The following TIMP1 variants were observed in gnomAD, a reference collection of about 807,000 sequenced individuals.
TIMP1 encodes the protein metalloproteinase inhibitor 1.
A neutral mutation model predicts 13.7 loss-of-function variants in TIMP1; 5 were observed. The ratio of observed to expected loss-of-function variants is 0.36; its 90% CI spans 0.19 to 0.76. The LOEUF is 0.76. TIMP1 is among the 30% of genes least tolerant of loss of function. TIMP1 has a pLI of 0.51. For synonymous variants in TIMP1, 63 were observed against 67.1 expected, an observed-to-expected ratio of 0.94 and a Z score of 0.30; for missense variants, 131 against 168.4, an observed-to-expected ratio of 0.78 and a Z score of 1.23.
intron 3 of TIMP1, 82 bp downstream of exon 3, chrX:47,585,097 G>A: frequency 2.6e-6 from 3 of 1,165,832 alleles, no homozygotes; most frequent in Non-Finnish European, 3.5e-6. Context: ...CCACTGGTTG[G>A]TGCGAGAAAG....
At chrX:47,585,407 G>A in intron 4 of TIMP1, 76 bp downstream of exon 4, 1 of 1,198,914 alleles carries the variant, frequency 8.3e-7, no homozygotes. Flanking sequence ...GAGGGGGCGA[G>A]GCTCTGATGG....
At chrX:47,585,946 C>T (rs955028863) in intron 5 of TIMP1, 3 of 1,088,271 alleles carry the variant, frequency 2.8e-6, no homozygotes, top group East Asian at 4.0e-5. Context: ...TCCCACTCCC[C>T]GTTCCTGAGC....
rs2057821090 is a variant in TIMP1, at chrX:47,585,589, G to A, written c.375G>A (p.Val125=). The change falls in exon 5 of 6, where the codon GTG becomes GTA. Residue 125 remains valine (V), a synonymous_variant. Transcript: ENST00000218388. ...GLLHITTCSF[V]APWNSLSLAQ... The stretch of plus-strand genomic sequence containing the variant: ...TGCACATCACTACCTGCAGTTTTGT[G>A]GCTCCCTGGAACAGCCTGAGCTTAG... 1 of 1,198,906 alleles carries A rather than the reference G, an allele frequency of 8.3e-7. No homozygotes were observed. The highest frequency in any genetic ancestry group is 1.1e-6 in the Non-Finnish European group (1 of 888,646).
chrX:47,586,431 G>T, intron 5 of TIMP1, 90 bp from the exon 6 acceptor site: 2 of 1,140,727 alleles, frequency 1.8e-6, no homozygotes, highest in South Asian at 4.1e-5. Context: ...TCTCCCCAGC[G>T]GCTCAGTGTT....
chrX:47,585,282 C>T lies in TIMP1; in HGVS notation c.279C>T (p.Cys93=), dbSNP rs755568993. 8.3e-6 allele frequency: 10 copies of T among 1,209,440 alleles called. No homozygotes were observed. The highest frequency in any genetic ancestry group is 5.9e-5 in the East Asian group (2 of 33,765). Residue 93 remains cysteine (C), a synonymous_variant, in exon 4 of 6, where the codon TGC becomes TGT. Coordinates refer to ENST00000218388, the MANE Select transcript of TIMP1 (RefSeq NM_003254.3). ...FVYTPAMESV[C]GYFHRSHNRS... ...ACACCCCCGCCATGGAGAGTGTCTG[C>T]GGATACTTCCACAGGTCCCACAACC...
intron 2 of TIMP1, among the ~76,000 whole-genome samples, chrX:47,584,108 C>T (rs184518352): frequency 9.0e-5 from 10 of 111,337 alleles, no homozygotes; most frequent in Admixed American, 7.6e-4. Context: ...GCTAAACCGA[C>T]GTAACAGGAT....
intron 2 of TIMP1, among the ~76,000 whole-genome samples, chrX:47,584,395 G>A (rs1045836238): frequency 9.0e-6 from 1 of 111,230 alleles, no homozygotes; most frequent in Non-Finnish European, 1.9e-5. Context: ...AACTGACTTA[G>A]CAAGGCTCTC....
At chrX:47,584,023 T>C (rs949757401) in intron 2 of TIMP1, among the ~76,000 whole-genome samples, 1 of 111,211 alleles carries the variant, frequency 9.0e-6, no homozygotes. Flanking sequence ...AGTGGGAATG[T>C]GTAGCTAAGG....
chrX:47,585,398 A>T, intron 4 of TIMP1, 67 bp downstream of exon 4: 1 of 1,201,685 alleles, frequency 8.3e-7, no homozygotes, highest in Non-Finnish European at 1.1e-6. Context: ...AGCAACCACG[A>T]GGGGGCGAGG....
intron 1 of TIMP1, 114 bp from the exon 2 acceptor site, chrX:47,583,294 T>G: frequency 1.3e-5 from 7 of 534,385 alleles, no homozygotes; most frequent in Non-Finnish European, 2.1e-5. Flanking sequence ...CAAGCCCAAA[T>G]CCAGCCCCCT....
At position 47,585,684 on chromosome X, in the gene TIMP1, T is replaced by G. The variant is rs1484657049; in HGVS notation, c.453+17T>G. ...GAATGCACAGTGAGTGCCTGGACCC[T>G]GACCTCCAACGGGAGATCCTTCCCG... On this transcript the variant is annotated intron_variant, in intron 5 of 5. Transcript: ENST00000218388. 1.7e-6 allele frequency: 2 copies of G among 1,208,894 alleles called. No homozygotes were observed. Among genetic ancestry groups the G allele is most frequent in the South Asian group, 3.6e-5 (2 of 56,125 alleles).
chrX:47,582,693 C>A, intron 1 of TIMP1: 1 of 265,469 alleles, frequency 3.8e-6, no homozygotes. Context: ...ACATCCGCCC[C>A]CAATTCCCCC....
Position 47,585,307 on chromosome X carries a change from C to G in TIMP1, c.304C>G (p.Arg102Gly). ...CGGATACTTCCACAGGTCCCACAAC[C>G]GCAGCGAGGAGTTTCTCATTGCTGG... Reference protein sequence around the residue: ...VCGYFHRSHNRSEEFLIAGKL... With the variant: ...VCGYFHRSHNGSEEFLIAGKL... Residue 102 changes from arginine (R) to glycine (G), a missense_variant, in exon 4 of 6, where the codon CGC (arginine) becomes GGC (glycine). Arg to Gly is a moderately radical substitution (Grantham distance 125). Coordinates refer to ENST00000218388, the MANE Select transcript of TIMP1 (RefSeq NM_003254.3). The G allele has an allele frequency of 8.3e-7, 1 of 1,211,769 alleles. No individual in the cohort carries two copies. The highest frequency in any genetic ancestry group is 1.1e-6 in the Non-Finnish European group (1 of 895,428).
At position 47,583,481 on chromosome X, in the gene TIMP1, G is replaced by T. The variant is rs1260941670; in HGVS notation, c.66G>T (p.Arg22Ser). 3 of 1,206,044 alleles carry T rather than the reference G, an allele frequency of 2.5e-6. No homozygotes were observed. The African/African-American group carries it at 5.3e-5, about 21-fold the overall frequency. The change falls in exon 2 of 6, where the codon AGG becomes AGT. Residue 22 changes from arginine to serine, a missense_variant. By Grantham distance (110) the Arg-to-Ser change is moderately radical. Coordinates refer to ENST00000218388, the MANE Select transcript of TIMP1 (RefSeq NM_003254.3). ...LLLLWLIAPS[R>S]ACTCVPPHPQ... ...TGCTGTGGCTGATAGCCCCCAGCAG[G>T]GCCTGCACCTGTGTCCCACCCCACC...
chrX:47,585,308 G>T lies in TIMP1; in HGVS notation c.305G>T (p.Arg102Leu). 1 of 1,211,376 alleles carries T rather than the reference G, an allele frequency of 8.3e-7. No homozygotes were observed. Among genetic ancestry groups the T allele is most frequent in the Admixed American group, 2.2e-5 (1 of 46,035 alleles). ...VCGYFHRSHN[R>L]SEEFLIAGKL... Reference sequence around the variant, plus strand: ...GGATACTTCCACAGGTCCCACAACCGCAGCGAGGAGTTTCTCATTGCTGGT... The same window carrying T: ...GGATACTTCCACAGGTCCCACAACCTCAGCGAGGAGTTTCTCATTGCTGGT... The change falls in exon 4 of 6, where the codon CGC (arginine) becomes CTC (leucine). Residue 102 changes from arginine to leucine, a missense_variant. Transcript: ENST00000218388.
Position 47,586,621 on chromosome X carries a change from G to A in TIMP1, c.554G>A (p.Arg185His), listed in dbSNP as rs141512610. ...GGCTCTGAAAAGGGCTTCCAGTCCCGTCACCTTGCCTGCCTGCCTCGGGAG... is the reference window on the plus strand; with the variant it reads ...GGCTCTGAAAAGGGCTTCCAGTCCCATCACCTTGCCTGCCTGCCTCGGGAG... ...LQGSEKGFQS[R>H]HLACLPREPG... Residue 185 changes from arginine (R) to histidine (H), a missense_variant, in exon 6 of 6, where the codon CGT (arginine) becomes CAT (histidine). Transcript: ENST00000218388. 8.8e-5 allele frequency: 106 copies of A among 1,210,673 alleles called. No homozygotes were observed. The highest frequency in any genetic ancestry group is 1.1e-4 in the Non-Finnish European group (95 of 895,393).
At chrX:47,583,886 T>C (rs2057810854) in intron 2 of TIMP1, among the ~76,000 whole-genome samples, 1 of 111,623 alleles carries the variant, frequency 9.0e-6, no homozygotes. Flanking sequence ...AAATATTCAG[T>C]GATACTTGTT....
chrX:47,583,308 C>A, intron 1 of TIMP1, 100 bp from the exon 2 acceptor site: 1 of 657,730 alleles, frequency 1.5e-6, no homozygotes, highest in Non-Finnish European at 2.2e-6. Context: ...GCCCCCTAAT[C>A]CCCCCCATAG....
At position 47,586,613 on chromosome X, in the gene TIMP1, C is replaced by T; in HGVS notation, c.546C>T (p.Phe182=). Residue 182 remains phenylalanine, a synonymous_variant, in exon 6 of 6, where the codon TTC becomes TTT. Coordinates refer to ENST00000218388, the MANE Select transcript of TIMP1 (RefSeq NM_003254.3). ...TCCTCCAAGGCTCTGAAAAGGGCTT[C>T]CAGTCCCGTCACCTTGCCTGCCTGC... ...DQLLQGSEKG[F]QSRHLACLPR... The T allele has an allele frequency of 8.3e-7, 1 of 1,212,117 alleles. No homozygotes were observed. Among genetic ancestry groups the T allele is most frequent in the South Asian group, 1.8e-5 (1 of 57,049 alleles).
Sources: gnomAD v4.1 joint callset for allele counts (sites outside exome capture counted in the v4.1 genomes callset) on GRCh38, gnomAD v4.1.1 for gene constraint, MANE v1.5 for transcripts, NCBI Gene and HGNC (gene_info 2026-07-23, HGNC 2026-07-21) for gene names.